Variants in ADGRF3 observed in about 807,000 individuals in gnomAD.
ADGRF3 encodes the protein adhesion G protein-coupled receptor F3, also known as G protein-coupled receptor 113.
In ADGRF3, 85 loss-of-function variants were observed where a neutral mutation model predicts 93.2. The ratio of observed to expected loss-of-function variants is 0.91; its 90% CI spans 0.77 to 1.09. The LOEUF (loss-of-function observed/expected upper bound fraction) is 1.09. Among genes scored for constraint, ADGRF3 ranks in the 50% least tolerant of loss-of-function variants. The pLI is 0.00. For synonymous variants in ADGRF3, 534 were observed against 532.5 expected (o/e 1.00, Z -0.04); for missense variants, 1,125 against 1,246.2 (o/e 0.90, Z 1.46).
chr2:26,310,105 T>A lies in ADGRF3; in HGVS notation c.2875A>T (p.Ile959Leu). The A allele has an allele frequency of 6.2e-7, 1 of 1,614,024 alleles. No homozygotes were observed. ...LLFGCLMDRK[I>L]QEALRKRFCR... is the part of the protein sequence containing the mutation. ...AAGCGTTTGCGCAAAGCTTCTTGTA[T>A]CTGCGGGAGAGGTAAATGCTCTGCT... Residue 959 changes from isoleucine to leucine, a missense_variant and splice_region_variant, in exon 12 of 14, where the codon ATA (isoleucine) becomes TTA (leucine). Ile to Leu is a conservative substitution (Grantham distance 5). Coordinates refer to ENST00000651242, the MANE Select transcript of ADGRF3 (RefSeq NM_001321971.2).
At chr2:26,343,968 C>T (rs1416485079) in intron 1 of ADGRF3, among the ~76,000 whole-genome samples, 1 of 152,190 alleles carries the variant, frequency 6.6e-6, no homozygotes, top group Non-Finnish European at 1.5e-5. Flanking sequence ...TTAAAAAGTG[C>T]TTTTAAAGAA....
chr2:26,310,153 T>C (rs750442365), intron 11 of ADGRF3, 43 bp downstream of exon 11: 2 of 1,613,980 alleles, frequency 1.2e-6, no homozygotes, highest in South Asian at 2.2e-5. Context: ...GGCCCCGGCC[T>C]GCGGGCTGCA....
intron 8 of ADGRF3, 100 bp from the exon 9 acceptor site, chr2:26,313,222 C>T (rs2147871840): frequency 6.8e-7 from 1 of 1,476,378 alleles, no homozygotes; most frequent in Admixed American, 1.8e-5. Context: ...CAGAAGCCCT[C>T]TCACTCCTAC....
At position 26,310,973 on chromosome 2, in the gene ADGRF3, A is replaced by G; in HGVS notation, c.2551T>C (p.Leu851=). ...GQYLREGECW[L]DGKGGALYTF... ...TATAACGCCCCTCCCTTCCCATCCA[A>G]CCAGCATTCCCCCTCCCTCAGGTAT... The change falls in exon 10 of 14, where the codon TTG becomes CTG. Residue 851 remains leucine (L), a synonymous_variant. Coordinates refer to ENST00000651242, the MANE Select transcript of ADGRF3 (RefSeq NM_001321971.2). The G allele has an allele frequency of 1.2e-6, 2 of 1,613,726 alleles. No individual in the cohort carries two copies. Among genetic ancestry groups the G allele is most frequent in the Non-Finnish European group, 1.7e-6 (2 of 1,179,824 alleles).
chr2:26,310,344 A>T (rs996872184), intron 10 of ADGRF3, 107 bp from the exon 11 acceptor site: 59 of 1,258,940 alleles, frequency 4.7e-5, no homozygotes, highest in Admixed American at 1.3e-4. Context: ...TTCTCATCTC[A>T]ATTTTTCTGT....
chr2:26,312,820 A>C, intron 9 of ADGRF3, 123 bp downstream of exon 9: 2 of 849,664 alleles, frequency 2.4e-6, no homozygotes, highest in Non-Finnish European at 3.6e-6. Context: ...AGGCCCCTGG[A>C]CTCTGGAAAG....
chr2:26,326,308 C>A (rs1307949212), intron 1 of ADGRF3, among the ~76,000 whole-genome samples: 1 of 152,150 alleles, frequency 6.6e-6, no homozygotes, highest in Non-Finnish European at 1.5e-5. Context: ...ATATCCTTAT[C>A]AGAAGGATAT....
chr2:26,322,378 C>T (rs1224538062), intron 1 of ADGRF3, among the ~76,000 whole-genome samples: 2 of 152,022 alleles, frequency 1.3e-5, no homozygotes, highest in African/African-American at 4.8e-5. Flanking sequence ...CATAATTTTC[C>T]CTAATTGATT....
At chr2:26,317,085 G>T in intron 2 of ADGRF3, 30 bp from the exon 3 acceptor site, 1 of 1,578,960 alleles carries the variant, frequency 6.3e-7, no homozygotes, top group Non-Finnish European at 8.6e-7. Context: ...AGCTGGAGAG[G>T]ACAGGCAGCG....
intron 12 of ADGRF3, 117 bp downstream of exon 12, chr2:26,309,926 A>G (rs776812871): frequency 2.2e-5 from 35 of 1,605,636 alleles, no homozygotes; most frequent in Non-Finnish European, 2.9e-5. Flanking sequence ...CATTCTAAAA[A>G]ACAACCCCAA....
intron 1 of ADGRF3, among the ~76,000 whole-genome samples, chr2:26,340,211 C>G (rs143098116): frequency 6.6e-6 from 1 of 152,246 alleles, no homozygotes; most frequent in Non-Finnish European, 1.5e-5. Context: ...GAGTTCTGGT[C>G]AAACAGGCCA....
At chr2:26,318,054 A>G in intron 1 of ADGRF3, 2 of 1,551,566 alleles carry the variant, frequency 1.3e-6, no homozygotes, top group Non-Finnish European at 1.7e-6. Flanking sequence ...CTGGGCCCAC[A>G]TTGTCTGGCC....
At position 26,311,447 on chromosome 2, in the gene ADGRF3, G is replaced by A. The variant is rs201628356; in HGVS notation, c.2077C>T (p.Pro693Ser). ...GCGGGTTCTTCCGGAACAGTGTGTG[G>A]GGACATGAGGACGGAGAAGGCAGTG... ...HLTAFSVLMS[P>S]HTVPEEPALA... The change falls in exon 10 of 14, where the codon CCA becomes TCA. Residue 693 changes from proline to serine, a missense_variant. Coordinates refer to ENST00000651242, the MANE Select transcript of ADGRF3 (RefSeq NM_001321971.2). The A allele has an allele frequency of 1.2e-6, 2 of 1,614,082 alleles. No individual in the cohort carries two copies. Among genetic ancestry groups the A allele is most frequent in the Admixed American group, 3.3e-5 (2 of 60,036 alleles).
chr2:26,343,604 T>A (rs1021007858), intron 1 of ADGRF3, among the ~76,000 whole-genome samples: 5 of 152,088 alleles, frequency 3.3e-5, no homozygotes, highest in African/African-American at 1.2e-4. Context: ...CACGCCCGGC[T>A]AATTTTGTTT....
At chr2:26,309,945 C>G in intron 12 of ADGRF3, 98 bp downstream of exon 12, 1 of 1,612,778 alleles carries the variant, frequency 6.2e-7, no homozygotes. Flanking sequence ...AATCTTCTCT[C>G]AGCTTCTGGC....
intron 1 of ADGRF3, among the ~76,000 whole-genome samples, chr2:26,319,514 A>C (rs1674978918): frequency 2.2e-5 from 3 of 135,474 alleles, no homozygotes; most frequent in African/African-American, 5.2e-5. Flanking sequence ...ATAGACTAGA[A>C]TCCTCCCTCC....
At chr2:26,316,168 C>G (rs926068144) in intron 4 of ADGRF3, 107 bp downstream of exon 4, 27 of 1,187,658 alleles carry the variant, frequency 2.3e-5, no homozygotes, top group Non-Finnish European at 3.0e-5. Context: ...AGAGGAGCAG[C>G]TGTGCTTGGA....
At chr2:26,309,845 G>A in intron 12 of ADGRF3, 198 bp downstream of exon 12, 1 of 1,294,304 alleles carries the variant, frequency 7.7e-7, no homozygotes, top group Admixed American at 2.4e-5. Context: ...CAGGAACCCA[G>A]GACCCTGATC....
chr2:26,338,953 T>G (rs1033140053), intron 1 of ADGRF3, among the ~76,000 whole-genome samples: 1 of 148,838 alleles, frequency 6.7e-6, no homozygotes, highest in African/African-American at 2.5e-5. Flanking sequence ...CTGGCCAACA[T>G]GGTGAAATCC....
Sources: allele counts gnomAD v4.1 joint callset (sites outside exome capture counted in the v4.1 genomes callset), GRCh38; gene constraint gnomAD v4.1.1; transcripts MANE v1.5; gene names NCBI Gene and HGNC (gene_info 2026-07-23, HGNC 2026-07-21).